Variants in WDR5 observed in about 807,000 individuals in gnomAD.
WDR5 encodes the protein WD repeat-containing protein 5.
For missense variants in WDR5, 187 were observed against 416.9 expected (o/e 0.45, Z 4.80); for synonymous variants, 144 against 161.6 (o/e 0.89, Z 0.83).
At chr9:134,150,494 AT>A (rs771329730) in intron 8 of WDR5, among the ~76,000 whole-genome samples, 17 of 152,174 alleles carry the variant, frequency 1.1e-4, no homozygotes, top group Non-Finnish European at 2.2e-4. Context: ...TTCTATGAAA[AT>A]CAGAAGTGGG....
At position 134,155,287 on chromosome 9, in the gene WDR5, G is replaced by A. The variant is rs1323172916; in HGVS notation, c.708-53G>A. The A allele has an allele frequency of 2.6e-6, 4 of 1,522,386 alleles. No individual in the cohort carries two copies. In the South Asian group the frequency reaches 3.9e-5, roughly 15 times the overall value. 94.3% of individuals were successfully genotyped at this position (1,522,386 alleles called of 1,614,324 possible). The stretch of plus-strand genomic sequence containing the variant: ...GTAGTGGCTGCAGAGTTGGGTGTGG[G>A]GACAGAAGGATGCCTCCAGACATGC... On this transcript the variant is annotated intron_variant, in intron 10 of 13. Coordinates refer to ENST00000358625, the MANE Select transcript of WDR5 (RefSeq NM_017588.3).
intron 7 of WDR5, among the ~76,000 whole-genome samples, chr9:134,146,702 G>T (rs539807871): frequency 6.6e-6 from 1 of 152,342 alleles, no homozygotes; most frequent in East Asian, 1.9e-4. Context: ...ACAAAGCAAA[G>T]CATGGAGTTG....
intron 8 of WDR5, among the ~76,000 whole-genome samples, chr9:134,151,768 C>T (rs1198306473): frequency 3.3e-5 from 5 of 152,060 alleles, no homozygotes; most frequent in Admixed American, 3.3e-4. Flanking sequence ...ATGGTCTGCA[C>T]GTGTGTAGCA....
intron 8 of WDR5, among the ~76,000 whole-genome samples, chr9:134,151,043 C>T (rs745935562): frequency 5.3e-5 from 8 of 152,086 alleles, no homozygotes; most frequent in Non-Finnish European, 1.0e-4. Context: ...GGAGATGAGG[C>T]GGCTCCGGAG....
At chr9:134,153,638 C>T (rs1035447235) in intron 9 of WDR5, among the ~76,000 whole-genome samples, 5 of 152,184 alleles carry the variant, frequency 3.3e-5, no homozygotes, top group Admixed American at 1.3e-4. Context: ...GCTGAGGGAG[C>T]GGAGACGCCA....
At chr9:134,153,180 G>T (rs555892274) in intron 9 of WDR5, among the ~76,000 whole-genome samples, 9 of 152,188 alleles carry the variant, frequency 5.9e-5, no homozygotes, top group African/African-American at 2.2e-4. Flanking sequence ...GTGCGCCGCT[G>T]TTGTGTGAGC....
intron 7 of WDR5, among the ~76,000 whole-genome samples, chr9:134,145,869 C>G (rs1832165988): frequency 6.6e-6 from 1 of 152,132 alleles, no homozygotes; most frequent in Non-Finnish European, 1.5e-5. Context: ...ACTTGGAGTG[C>G]TCCTTGGCTA....
Position 134,139,415 on chromosome 9 carries a change from C to T in WDR5, c.-58-405C>T, listed in dbSNP as rs116087662. On this transcript the variant is annotated intron_variant, in intron 1 of 13. Transcript: ENST00000358625. The stretch of plus-strand genomic sequence containing the variant: ...TTGGATGTGATCCCAAATTTCTACA[C>T]CCTGAAGCTCAGTCTTCTGTCATTT... 3.7e-3 allele frequency among the ~76,000 whole-genome samples: 569 copies of T among 152,272 alleles called. 3 individuals carry two copies. Among genetic ancestry groups the T allele is most frequent in the African/African-American group, 0.013 (555 of 41,550 alleles).
intron 11 of WDR5, 36 bp downstream of exon 11, chr9:134,155,409 C>A: frequency 6.3e-7 from 1 of 1,580,440 alleles, no homozygotes; most frequent in Non-Finnish European, 8.6e-7. Flanking sequence ...CATGGTGCAC[C>A]ATCCCTGGGT....
intron 9 of WDR5, among the ~76,000 whole-genome samples, chr9:134,153,400 G>A (rs1039647022): frequency 6.6e-6 from 1 of 152,218 alleles, no homozygotes; most frequent in Non-Finnish European, 1.5e-5. Context: ...AGACCCTTCT[G>A]GACTTCACTG....
intron 9 of WDR5, among the ~76,000 whole-genome samples, chr9:134,152,798 C>T (rs1054191502): frequency 6.6e-6 from 1 of 152,194 alleles, no homozygotes; most frequent in Non-Finnish European, 1.5e-5. Flanking sequence ...GGGAGGCTAT[C>T]TGTGGCAGGA....
chr9:134,147,632 G>A (rs1273926748), intron 7 of WDR5, among the ~76,000 whole-genome samples: 3 of 152,116 alleles, frequency 2.0e-5, no homozygotes, highest in African/African-American at 2.4e-5. Flanking sequence ...ATTAAACCAC[G>A]GCTTCCTTGT....
At chr9:134,153,510 G>A (rs1475492084) in intron 9 of WDR5, among the ~76,000 whole-genome samples, 5 of 152,244 alleles carry the variant, frequency 3.3e-5, no homozygotes, top group East Asian at 1.9e-4. Context: ...AAGGGAGCCC[G>A]GCCCCCCGGC....
intron 1 of WDR5, among the ~76,000 whole-genome samples, chr9:134,137,888 A>ACCGACCACCACAC: frequency 6.6e-6 from 1 of 151,956 alleles, no homozygotes; most frequent in Non-Finnish European, 1.5e-5. Context: ...GATTACAGGG[A>ACCGACCACCACAC]CCGACCACCA....
intron 8 of WDR5, among the ~76,000 whole-genome samples, chr9:134,151,061 C>T (rs937628159): frequency 1.3e-5 from 2 of 152,158 alleles, no homozygotes; most frequent in African/African-American, 4.8e-5. Flanking sequence ...GAGAGGCCCT[C>T]CCGCAGTGAT....
rs1454909865 is a variant in WDR5 at position 134,137,681 on chromosome 9, A to AAC, written c.-59+1482_-59+1483insCA. Among the ~76,000 whole-genome samples, 135 of 136,962 alleles carry AAC rather than the reference A, an allele frequency of 9.9e-4. 4 individuals are homozygous for AAC. Among genetic ancestry groups the AAC allele is most frequent in the African/African-American group, 3.3e-3 (129 of 38,830 alleles). 89.9% of individuals were successfully genotyped at this position (136,962 alleles called of 152,430 possible). ...GGACTGTGTCTCAAAAAAAAAACAA[A>AAC]AACAAAAAAAAAACACGCCAAGCCT... On this transcript the variant is annotated intron_variant, in intron 1 of 13. Coordinates refer to ENST00000358625, the MANE Select transcript of WDR5 (RefSeq NM_017588.3).
chr9:134,143,777 A>G (rs925618857), intron 7 of WDR5, among the ~76,000 whole-genome samples: 1 of 151,884 alleles, frequency 6.6e-6, no homozygotes, highest in African/African-American at 2.4e-5. Context: ...GGCCTCCCAA[A>G]ATGCTGGGAT....
chr9:134,155,313 C>T (rs769847927), intron 10 of WDR5, 27 bp from the exon 11 acceptor site: 22 of 1,575,044 alleles, frequency 1.4e-5, no homozygotes, highest in South Asian at 4.7e-5. Flanking sequence ...CCAGACATGC[C>T]GCCTCACCCC....
intron 8 of WDR5, among the ~76,000 whole-genome samples, 177 bp from the exon 9 acceptor site, chr9:134,151,806 C>T (rs1832500910): frequency 6.6e-6 from 1 of 152,068 alleles, no homozygotes; most frequent in African/African-American, 2.4e-5. Context: ...TTTGTATGGA[C>T]AGTGTTTAGT....
Sources: gnomAD v4.1 joint callset for allele counts (sites outside exome capture counted in the v4.1 genomes callset) on GRCh38, gnomAD v4.1.1 for gene constraint, MANE v1.5 for transcripts, NCBI Gene and HGNC (gene_info 2026-07-23, HGNC 2026-07-21) for gene names.